The following TPO variants were observed in gnomAD, a reference collection of about 807,000 sequenced individuals.
The protein encoded by TPO is thyroid microsomal antigen.
A neutral mutation model predicts 96.9 loss-of-function variants in TPO; 78 were observed. That is an observed-to-expected ratio of 0.81 (90% CI 0.67 to 0.97). TPO has a LOEUF of 0.97. Ranked by LOEUF, TPO falls within the 50% of genes least tolerant of loss-of-function variation. TPO has a pLI of 0.00. For missense variants in TPO, 1,252 were observed against 1,274.8 expected, an observed-to-expected ratio of 0.98 and a Z score of 0.27; for synonymous variants, 547 against 538.0, an observed-to-expected ratio of 1.02 and a Z score of -0.23.
At chr2:1,448,196 A>G (rs543390067) in intron 5 of TPO, among the ~76,000 whole-genome samples, 1 of 152,336 alleles carries the variant, frequency 6.6e-6, no homozygotes, top group East Asian at 1.9e-4. Flanking sequence ...ACATTTGTGT[A>G]GTACCCACTC....
chr2:1,540,555 C>A (rs750493492), intron 15 of TPO, 39 bp from the exon 16 acceptor site: 1 of 1,609,870 alleles, frequency 6.2e-7, no homozygotes. Context: ...GTCACGGTGC[C>A]GGACCCTCTC....
chr2:1,458,996 G>A (rs1023077982), intron 7 of TPO, among the ~76,000 whole-genome samples: 5 of 152,168 alleles, frequency 3.3e-5, no homozygotes, highest in South Asian at 2.1e-4. Context: ...GCTAAGTCAC[G>A]GTGGAGGTGC....
At position 1,542,456 on chromosome 2, in the gene TPO, G is replaced by C; in HGVS notation, c.2784G>C (p.Arg928Ser). 6.2e-7 allele frequency: 1 copy of C among 1,614,184 alleles called. No homozygotes were observed. Among genetic ancestry groups the C allele is most frequent in the Non-Finnish European group, 8.5e-7 (1 of 1,180,028 alleles). The change falls in exon 17 of 17, where the codon AGG becomes AGC. Residue 928 changes from arginine (R) to serine (S), a missense_variant. Coordinates refer to ENST00000329066, the MANE Select transcript of TPO (RefSeq NM_001206744.2). ...GGATGGAAGGCCGGGATACTCACAG[G>C]CTGCCGAGAGCCCTCTGAGGGCAAA... ...SAGMEGRDTH[R>S]LPRAL
chr2:1,529,954 CTG>C (rs1227212950), intron 15 of TPO, among the ~76,000 whole-genome samples: 6 of 118,470 alleles, frequency 5.1e-5, no homozygotes, highest in African/African-American at 2.0e-4. Context: ...CCCCCCAACT[CTG>C]TGCAACCTCC....
At chr2:1,457,721 G>A (rs539428126) in intron 7 of TPO, among the ~76,000 whole-genome samples, 2 of 152,074 alleles carry the variant, frequency 1.3e-5, no homozygotes, top group East Asian at 1.9e-4. Context: ...ATGATACTGT[G>A]TGGTCACAAG....
chr2:1,495,954 C>T (rs752317346), intron 11 of TPO, 35 bp from the exon 12 acceptor site: 41 of 1,601,476 alleles, frequency 2.6e-5, no homozygotes, highest in Non-Finnish European at 3.4e-5. Context: ...GTTCTCCATG[C>T]ACTGTGACCT....
At chr2:1,508,506 A>G (rs958011803) in intron 14 of TPO, among the ~76,000 whole-genome samples, 3 of 152,094 alleles carry the variant, frequency 2.0e-5, no homozygotes, top group African/African-American at 4.8e-5. Flanking sequence ...CTGTGAATCC[A>G]TCTGGTCCTG....
chr2:1,455,279 C>T (rs1044089249), intron 6 of TPO, among the ~76,000 whole-genome samples: 8 of 152,138 alleles, frequency 5.3e-5, no homozygotes, highest in African/African-American at 1.4e-4. Flanking sequence ...GGATGTTGTG[C>T]GAGAGGCATT....
rs71440661 is a variant in TPO at position 1,514,128 on chromosome 2, C to T, written c.2519-2755C>T. The stretch of plus-strand genomic sequence containing the variant: ...CCCAGGGGAGCTGGCGGGGCAGTTC[C>T]AGTCTGAGGGCAGGTGAAGCTGCAA... On this transcript the variant is annotated intron_variant, in intron 14 of 16. Coordinates refer to ENST00000329066, the MANE Select transcript of TPO (RefSeq NM_001206744.2). 2.9e-3 allele frequency among the ~76,000 whole-genome samples: 443 copies of T among 152,266 alleles called. 2 individuals carry two copies. The highest frequency in any genetic ancestry group is 4.1e-3 in the Non-Finnish European group (279 of 68,010).
chr2:1,446,271 A>G (rs980299551), intron 5 of TPO, among the ~76,000 whole-genome samples: 1 of 152,208 alleles, frequency 6.6e-6, no homozygotes, highest in African/African-American at 2.4e-5. Context: ...GAAGGAAGTT[A>G]GATGGTAACC....
chr2:1,439,032 C>A, intron 5 of TPO: 2 of 552,104 alleles, frequency 3.6e-6, no homozygotes, highest in Admixed American at 6.2e-5. Flanking sequence ...ATCATGATCA[C>A]TCAAAAAAAA....
chr2:1,489,892 T>C (rs1445325897), intron 10 of TPO, among the ~76,000 whole-genome samples: 1 of 152,176 alleles, frequency 6.6e-6, no homozygotes, highest in Non-Finnish European at 1.5e-5. Flanking sequence ...GTTTGAGCGT[T>C]GGGGACGCAA....
intron 1 of TPO, among the ~76,000 whole-genome samples, chr2:1,389,483 T>G (rs1288986171): frequency 6.6e-6 from 1 of 152,164 alleles, no homozygotes; most frequent in Non-Finnish European, 1.5e-5. Flanking sequence ...CCCTTTCATG[T>G]AACATGGGAA....
At chr2:1,514,078 G>A (rs1674437088) in intron 14 of TPO, among the ~76,000 whole-genome samples, 1 of 152,202 alleles carries the variant, frequency 6.6e-6, no homozygotes, top group South Asian at 2.1e-4. Context: ...AGGAGTCCCA[G>A]GATCTGCTGT....
chr2:1,538,547 G>C (rs1216954537), intron 15 of TPO, among the ~76,000 whole-genome samples: 2 of 152,282 alleles, frequency 1.3e-5, no homozygotes, highest in South Asian at 2.1e-4. Flanking sequence ...AAACAATGGT[G>C]AACAGTGAAT....
At position 1,496,210 on chromosome 2, in the gene TPO, C is replaced by T; in HGVS notation, c.2215+13C>T. On this transcript the variant is annotated intron_variant, in intron 12 of 16. Transcript: ENST00000329066. Reference sequence around the variant, plus strand: ...ACCTTTCCTCAAGGTGAAGTTCGGTCTCCTCTCACACCACGTTACAGCACG... The same window carrying T: ...ACCTTTCCTCAAGGTGAAGTTCGGTTTCCTCTCACACCACGTTACAGCACG... 1 of 1,612,840 alleles carries T rather than the reference C, an allele frequency of 6.2e-7. No individual in the cohort carries two copies. The highest frequency in any genetic ancestry group is 8.5e-7 in the Non-Finnish European group (1 of 1,179,482).
intron 14 of TPO, among the ~76,000 whole-genome samples, chr2:1,504,304 G>A (rs1247420939): frequency 1.3e-5 from 2 of 152,170 alleles, no homozygotes; most frequent in Non-Finnish European, 2.9e-5. Flanking sequence ...GCACACTGAG[G>A]CTGGGGACGG....
chr2:1,446,476 C>A (rs1666836914), intron 5 of TPO, among the ~76,000 whole-genome samples: 2 of 152,134 alleles, frequency 1.3e-5, no homozygotes. Flanking sequence ...TCACTGTGAT[C>A]CCTTTCATTT....
chr2:1,523,526 TC>T lies in TPO; in HGVS notation c.2618+6551del, dbSNP rs199635148. 8.0e-3 allele frequency among the ~76,000 whole-genome samples: 236 copies of T among 29,622 alleles called. 3 individuals carry two copies. The highest frequency in any genetic ancestry group is 0.027 in the African/African-American group (209 of 7,690). 19.4% of individuals were successfully genotyped at this position (29,622 alleles called of 152,430 possible). On this transcript the variant is annotated intron_variant, in intron 15 of 16. Coordinates refer to ENST00000329066, the MANE Select transcript of TPO (RefSeq NM_001206744.2). ...CCCGACTCTATGCAACCTCCCCAAA[TC>T]CCCCCCACTCTGAGCAACCTCCCCA...
Sources: allele counts gnomAD v4.1 joint callset (sites outside exome capture counted in the v4.1 genomes callset), GRCh38; gene constraint gnomAD v4.1.1; transcripts MANE v1.5; gene names NCBI Gene and HGNC (gene_info 2026-07-23, HGNC 2026-07-21).